PRRX2: variants seen among roughly 807,000 people sequenced by gnomAD.
PRRX2 encodes the protein paired mesoderm homeobox protein 2.
PRRX2 carries 11 observed loss-of-function variants against 18.0 expected under a neutral mutation model. The observed-to-expected ratio is 0.61, with a 90% confidence interval of 0.39 to 1.01. The LOEUF (loss-of-function observed/expected upper bound fraction) is 1.01, where lower values mean the gene tolerates loss of function less well. PRRX2 is among the 50% of genes least tolerant of loss of function. The pLI, the probability that PRRX2 is intolerant of heterozygous loss-of-function variation, is 0.01. For missense variants in PRRX2, 387 were observed against 351.0 expected (o/e 1.10, Z -0.82); for synonymous variants, 177 against 154.8 (o/e 1.14, Z -1.06).
At chr9:129,711,011 C>T (rs971125021) in intron 1 of PRRX2, among the ~76,000 whole-genome samples, 7 of 152,184 alleles carry the variant, frequency 4.6e-5, no homozygotes, top group African/African-American at 7.2e-5. Flanking sequence ...CGCTGCCCTG[C>T]TGCCTGTGTG....
chr9:129,676,776 C>T (rs565127631), intron 1 of PRRX2, among the ~76,000 whole-genome samples: 8 of 152,192 alleles, frequency 5.3e-5, no homozygotes, highest in African/African-American at 9.6e-5. Flanking sequence ...CTGGGAGACC[C>T]GGGGCCTCCC....
At chr9:129,666,572 C>CG (rs1554780750) in intron 1 of PRRX2, among the ~76,000 whole-genome samples, 1 of 60,062 alleles carries the variant, frequency 1.7e-5, no homozygotes, top group African/African-American at 1.8e-4. Context: ...TGCCTGCCCA[C>CG]CCCCCCCCAC....
rs999194742 is a variant in PRRX2 at position 129,665,713 on chromosome 9, C to T, written c.-155C>T. On this transcript the variant is annotated 5_prime_UTR_variant, in exon 1 of 4. Transcript: ENST00000372469. This position sits in a 1 kb window ranked among gnomAD's most constrained non-coding sequence, Gnocchi z 5.3. Reference sequence around the variant, plus strand: ...AGGGGAGGGCGGAAAGTTTGTTTCCCCGACGTCAGCGCCGGGCGGGCCGCG... The same window carrying T: ...AGGGGAGGGCGGAAAGTTTGTTTCCTCGACGTCAGCGCCGGGCGGGCCGCG... 8.3e-5 allele frequency: 39 copies of T among 467,312 alleles called. No individual in the cohort carries two copies. Among genetic ancestry groups the T allele is most frequent in the African/African-American group, 7.8e-4 (37 of 47,366 alleles). The allele number at this position is 467,312 out of a possible 1,614,324, so 28.9% of individuals were successfully genotyped here. A position where few individuals can be genotyped will look rare whatever the true frequency, so the allele number is the denominator to read the frequency against.
At chr9:129,716,214 T>C (rs1832705170) in intron 1 of PRRX2, among the ~76,000 whole-genome samples, 1 of 152,104 alleles carries the variant, frequency 6.6e-6, no homozygotes, top group Non-Finnish European at 1.5e-5. Flanking sequence ...CTGGCAAAAA[T>C]AGAAAATCAT....
intron 1 of PRRX2, among the ~76,000 whole-genome samples, chr9:129,666,727 T>C (rs79575600): frequency 6.6e-6 from 1 of 152,190 alleles, no homozygotes; most frequent in East Asian, 1.9e-4. Context: ...TGACACAGGA[T>C]GGCAGGGTCC....
chr9:129,719,374 G>A lies in PRRX2; in HGVS notation c.403G>A (p.Glu135Lys), dbSNP rs967508797. 1.3e-6 allele frequency: 2 copies of A among 1,563,012 alleles called. No individual in the cohort carries two copies. Among genetic ancestry groups the A allele is most frequent in the Non-Finnish European group, 1.7e-6 (2 of 1,155,096 alleles). ...GCACTACCCCGACGCCTTTGTGCGC[G>A]AGGAGCTTGCCCGGCGCGTCAACCT... is the stretch of plus-strand genomic sequence containing the variant. Reference protein sequence around the residue: ...RTHYPDAFVREELARRVNLSE... With the variant: ...RTHYPDAFVRKELARRVNLSE... The change falls in exon 2 of 4, where the codon GAG becomes AAG. Residue 135 changes from glutamate to lysine, a missense_variant. Transcript: ENST00000372469.
At chr9:129,682,548 G>A (rs1256860924) in intron 1 of PRRX2, among the ~76,000 whole-genome samples, 1 of 152,160 alleles carries the variant, frequency 6.6e-6, no homozygotes, top group East Asian at 1.9e-4. Context: ...GCGGGGTGGT[G>A]AGAATAGGGA....
At chr9:129,693,735 T>G (rs1358504420) in intron 1 of PRRX2, among the ~76,000 whole-genome samples, 1 of 152,382 alleles carries the variant, frequency 6.6e-6, no homozygotes, top group East Asian at 1.9e-4. Flanking sequence ...GGATAATTTT[T>G]CCTGCCACCA....
At chr9:129,682,816 C>T (rs1832250318) in intron 1 of PRRX2, among the ~76,000 whole-genome samples, 1 of 152,168 alleles carries the variant, frequency 6.6e-6, no homozygotes, top group Non-Finnish European at 1.5e-5. Context: ...TCAATCTTCC[C>T]CTCCTTGGCC....
At chr9:129,666,205 G>T in intron 1 of PRRX2, 79 bp downstream of exon 1, 1 of 961,702 alleles carries the variant, frequency 1.0e-6, no homozygotes, top group Non-Finnish European at 1.2e-6. Flanking sequence ...CGGGGAGCCG[G>T]CGCGGGGCGG....
In PRRX2 at chr9:129,720,906, C is replaced by T. The variant is rs182174612; in HGVS notation, c.626+132C>T. Reference sequence around the variant, plus strand: ...CCACGCGCCCCTGGGATCTGGGGTACACCAAGTGATGTGTGGCGAGTGTGC... The same window carrying T: ...CCACGCGCCCCTGGGATCTGGGGTATACCAAGTGATGTGTGGCGAGTGTGC... On this transcript the variant is annotated intron_variant, in intron 3 of 3. Coordinates refer to ENST00000372469, the MANE Select transcript of PRRX2 (RefSeq NM_016307.4). The T allele has an allele frequency of 3.1e-5, 33 of 1,069,214 alleles. No homozygotes were observed. In the African/African-American group the frequency reaches 4.7e-4, roughly 15 times the overall value. The allele number at this position is 1,069,214 out of a possible 1,614,324, so 66.2% of individuals were successfully genotyped here. A position where few individuals can be genotyped will look rare whatever the true frequency, so the allele number is the denominator to read the frequency against.
At chr9:129,711,697 C>T (rs1223391024) in intron 1 of PRRX2, among the ~76,000 whole-genome samples, 1 of 152,112 alleles carries the variant, frequency 6.6e-6, no homozygotes, top group African/African-American at 2.4e-5. Context: ...GCATGAGCCA[C>T]GGCGCCCGGC....
chr9:129,671,349 T>C lies in PRRX2; in HGVS notation c.259+5223T>C, dbSNP rs1832097468. Among the ~76,000 whole-genome samples the C allele has an allele frequency of 6.6e-6, 1 of 152,108 alleles. No homozygotes were observed. The highest frequency in any genetic ancestry group is 1.9e-4 in the East Asian group (1 of 5,176). ...CTTCTTTTCGCCAGGGAGGGTTGGT[T>C]CATTATTTGTGGTTCCAGGACCTCT... On this transcript the variant is annotated intron_variant, in intron 1 of 3. Coordinates refer to ENST00000372469, the MANE Select transcript of PRRX2 (RefSeq NM_016307.4). This position sits in a 1 kb window ranked among gnomAD's most constrained non-coding sequence, Gnocchi z 4.0.
chr9:129,714,795 C>T (rs1185488224), intron 1 of PRRX2, among the ~76,000 whole-genome samples: 1 of 152,144 alleles, frequency 6.6e-6, no homozygotes, highest in Non-Finnish European at 1.5e-5. Flanking sequence ...TCAGAAACTT[C>T]CCGAAAATGT....
At chr9:129,716,996 A>G (rs573281466) in intron 1 of PRRX2, among the ~76,000 whole-genome samples, 1 of 152,208 alleles carries the variant, frequency 6.6e-6, no homozygotes, top group African/African-American at 2.4e-5. Context: ...AGGTAAGTTG[A>G]AGCCCCAGTG....
At chr9:129,672,555 A>G (rs979154583) in intron 1 of PRRX2, among the ~76,000 whole-genome samples, 1 of 152,212 alleles carries the variant, frequency 6.6e-6, no homozygotes, top group Non-Finnish European at 1.5e-5. Flanking sequence ...GTCCACACCC[A>G]GGCAGGCGCA....
At chr9:129,666,477 G>A (rs1362125820) in intron 1 of PRRX2, among the ~76,000 whole-genome samples, 1 of 152,150 alleles carries the variant, frequency 6.6e-6, no homozygotes, top group Non-Finnish European at 1.5e-5. Flanking sequence ...TGCACGTTGG[G>A]GTTTCAAACC....
intron 1 of PRRX2, among the ~76,000 whole-genome samples, chr9:129,703,642 C>A (rs546424687): frequency 1.3e-5 from 2 of 151,976 alleles, no homozygotes; most frequent in African/African-American, 4.8e-5. Flanking sequence ...CAGTGCCAGG[C>A]GCATAATAAA....
At chr9:129,713,011 A>G (rs1832649911) in intron 1 of PRRX2, 2 of 152,288 alleles carry the variant, frequency 1.3e-5, no homozygotes, top group African/African-American at 4.8e-5. Flanking sequence ...GTGATTCAGG[A>G]ACTTAGGGCA....
Sources: gnomAD v4.1 joint callset for allele counts (sites outside exome capture counted in the v4.1 genomes callset) on GRCh38, gnomAD v4.1.1 for gene constraint, Gnocchi (gnomAD v3.1) non-coding constraint, MANE v1.5 for transcripts, NCBI Gene and HGNC (gene_info 2026-07-23, HGNC 2026-07-21) for gene names.